SMC5: variants seen among roughly 807,000 people sequenced by gnomAD.
The protein encoded by SMC5 is structural maintenance of chromosomes 5, also known as structural maintenance of chromosomes protein 5.
A neutral mutation model predicts 148.3 loss-of-function variants in SMC5; 88 were observed. The ratio of observed to expected loss-of-function variants is 0.59; its 90% confidence interval spans 0.50 to 0.71. The LOEUF (loss-of-function observed/expected upper bound fraction) is 0.71, where lower values mean the gene tolerates loss of function less well. SMC5 is among the 30% of genes least tolerant of loss of function. The pLI, the probability that SMC5 is intolerant of heterozygous loss-of-function variation, is 0.00. For synonymous variants in SMC5, 421 were observed against 432.8 expected (o/e 0.97, Z 0.34); for missense variants, 1,142 against 1,298.9 (o/e 0.88, Z 1.86).
Position 70,347,168 on chromosome 9 carries a change from C to G in SMC5, c.2664+7C>G, listed in dbSNP as rs745525232. ...CACGGGACTGAATCCTACAGTATGC[C>G]TGTTTCTCTATTCCCATTCTGCATC... On this transcript the variant is annotated splice_region_variant and intron_variant, in intron 20 of 24. Coordinates refer to ENST00000361138, the MANE Select transcript of SMC5 (RefSeq NM_015110.4). 1 of 1,611,186 alleles carries G rather than the reference C, an allele frequency of 6.2e-7. No individual in the cohort carries two copies.
chr9:70,336,360 A>G (rs186298782), intron 17 of SMC5, among the ~76,000 whole-genome samples: 1 of 152,350 alleles, frequency 6.6e-6, no homozygotes, highest in East Asian at 1.9e-4. Context: ...ACAAACACAC[A>G]TAGCCAAACG....
chr9:70,323,689 GTTT>G, intron 16 of SMC5, 83 bp downstream of exon 16: 1 of 1,049,882 alleles, frequency 9.5e-7, no homozygotes, highest in Non-Finnish European at 1.3e-6. Context: ...GGGAGGGAAG[GTTT>G]TGATTAAGGT....
At chr9:70,295,617 G>C (rs1482356603) in intron 8 of SMC5, among the ~76,000 whole-genome samples, 1 of 152,158 alleles carries the variant, frequency 6.6e-6, no homozygotes, top group Non-Finnish European at 1.5e-5. Flanking sequence ...AGTCAGAGTA[G>C]GACTAATGTG....
chr9:70,281,680 C>T (rs2034753714), intron 6 of SMC5, among the ~76,000 whole-genome samples: 1 of 152,132 alleles, frequency 6.6e-6, no homozygotes, highest in Non-Finnish European at 1.5e-5. Flanking sequence ...TTGTGGCATT[C>T]TTGTTCTGTC....
intron 17 of SMC5, among the ~76,000 whole-genome samples, chr9:70,335,364 G>A (rs532205237): frequency 6.6e-6 from 1 of 152,122 alleles, no homozygotes; most frequent in African/African-American, 2.4e-5. Context: ...GTGAATGCCT[G>A]TAGTCCCAGC....
At chr9:70,304,422 C>CA (rs2035443854) in intron 10 of SMC5, among the ~76,000 whole-genome samples, 1 of 152,126 alleles carries the variant, frequency 6.6e-6, no homozygotes, top group Non-Finnish European at 1.5e-5. Context: ...CACAGTGACT[C>CA]ATGCTTATAA....
At chr9:70,328,705 C>G (rs1398791258) in intron 17 of SMC5, among the ~76,000 whole-genome samples, 1 of 152,214 alleles carries the variant, frequency 6.6e-6, no homozygotes, top group African/African-American at 2.4e-5. Flanking sequence ...CGGTGGCCCT[C>G]TTCTCACAGC....
At chr9:70,320,788 A>C (rs1446751158) in intron 15 of SMC5, among the ~76,000 whole-genome samples, 1 of 152,224 alleles carries the variant, frequency 6.6e-6, no homozygotes, top group Non-Finnish European at 1.5e-5. Flanking sequence ...AATAAAATTT[A>C]TGAATTTTAC....
chr9:70,334,932 G>T (rs1191545685), intron 17 of SMC5, among the ~76,000 whole-genome samples: 1 of 152,058 alleles, frequency 6.6e-6, no homozygotes, highest in Non-Finnish European at 1.5e-5. Flanking sequence ...TAGTCAGTAG[G>T]GAAGTTTATA....
intron 8 of SMC5, among the ~76,000 whole-genome samples, chr9:70,289,583 T>G (rs2035004326): frequency 6.6e-6 from 1 of 152,166 alleles, no homozygotes; most frequent in Admixed American, 6.5e-5. Context: ...TCACATTTAC[T>G]GTTATGTTTT....
At chr9:70,323,943 G>T in intron 16 of SMC5, 78 bp from the exon 17 acceptor site, 2 of 1,284,578 alleles carry the variant, frequency 1.6e-6, no homozygotes, top group Non-Finnish European at 2.1e-6. Flanking sequence ...TTATAATTTT[G>T]TTTTAAAAAA....
intron 17 of SMC5, among the ~76,000 whole-genome samples, chr9:70,325,028 A>G (rs940162842): frequency 6.6e-6 from 1 of 152,152 alleles, no homozygotes; most frequent in Non-Finnish European, 1.5e-5. Context: ...GTTTCATTAT[A>G]TAGACATGGT....
chr9:70,306,110 C>T (rs2035488574), intron 11 of SMC5, among the ~76,000 whole-genome samples: 1 of 152,030 alleles, frequency 6.6e-6, no homozygotes, highest in Non-Finnish European at 1.5e-5. Flanking sequence ...AATGTATTAG[C>T]TATATATGAC....
intron 9 of SMC5, 113 bp from the exon 10 acceptor site, chr9:70,299,933 T>C (rs1208091114): frequency 1.1e-6 from 1 of 870,142 alleles, no homozygotes; most frequent in Non-Finnish European, 1.6e-6. Flanking sequence ...AGTTACTTGC[T>C]GAGTGGTGTT....
At position 70,304,191 on chromosome 9, in the gene SMC5, C is replaced by T. The variant is rs7045646; in HGVS notation, c.1465-1056C>T. On this transcript the variant is annotated intron_variant, in intron 10 of 24. Transcript: ENST00000361138. The stretch of plus-strand genomic sequence containing the variant: ...GTAACTTCAAACTCCTGGGCTTAAG[C>T]GATATTCCCACCTCAGCCTCCCAGG... Among the ~76,000 whole-genome samples the T allele has an allele frequency of 2.6e-3, 390 of 152,198 alleles. 1 individual carries two copies. The highest frequency in any genetic ancestry group is 9.1e-3 in the African/African-American group (376 of 41,524).
At chr9:70,343,626 G>T (rs2036581381) in intron 17 of SMC5, among the ~76,000 whole-genome samples, 1 of 152,024 alleles carries the variant, frequency 6.6e-6, no homozygotes, top group Non-Finnish European at 1.5e-5. Flanking sequence ...GACCAGCCTG[G>T]CCAACATGGT....
At chr9:70,264,517 C>T (rs2034222825) in intron 2 of SMC5, 72 bp downstream of exon 2, 1 of 1,500,586 alleles carries the variant, frequency 6.7e-7, no homozygotes, top group Non-Finnish European at 9.2e-7. Context: ...AATTTCTACA[C>T]CTCAGTTCCT....
chr9:70,306,661 T>C (rs2035508028), intron 11 of SMC5, among the ~76,000 whole-genome samples: 1 of 152,222 alleles, frequency 6.6e-6, no homozygotes, highest in Admixed American at 6.5e-5. Flanking sequence ...AGCCTGTTAC[T>C]TTTCCTGGTG....
intron 11 of SMC5, among the ~76,000 whole-genome samples, chr9:70,309,398 C>A (rs894983779): frequency 3.1e-5 from 4 of 130,824 alleles, no homozygotes; most frequent in African/African-American, 1.2e-4. Flanking sequence ...AATGGCCTCG[C>A]AAAAGTGCTG....
Sources: gnomAD v4.1 joint callset for allele counts (sites outside exome capture counted in the v4.1 genomes callset) on GRCh38, gnomAD v4.1.1 for gene constraint, MANE v1.5 for transcripts, NCBI Gene and HGNC (gene_info 2026-07-23, HGNC 2026-07-21) for gene names.